Variants in SNTB1 observed in about 807,000 individuals in gnomAD.
The protein encoded by SNTB1 is syntrophin beta 1, also known as beta-1-syntrophin.
Under a neutral mutation model 48.9 loss-of-function variants are expected in SNTB1, and 36 were observed. The ratio of observed to expected loss-of-function variants is 0.74; its 90% CI spans 0.56 to 0.97. The LOEUF (loss-of-function observed/expected upper bound fraction) is 0.97. SNTB1 is among the 50% of genes least tolerant of loss of function. The pLI is 0.00. For synonymous variants in SNTB1, 299 were observed against 294.6 expected (o/e 1.01, Z -0.15); for missense variants, 786 against 703.4 (o/e 1.12, Z -1.33).
At chr8:120,580,188 G>T (rs1028363482) in intron 3 of SNTB1, among the ~76,000 whole-genome samples, 1 of 152,054 alleles carries the variant, frequency 6.6e-6, no homozygotes, top group African/African-American at 2.4e-5. Flanking sequence ...GCAATACGGG[G>T]GTCTCTTTTT....
chr8:120,756,233 A>G (rs1051406428), intron 1 of SNTB1, among the ~76,000 whole-genome samples: 1 of 152,124 alleles, frequency 6.6e-6, no homozygotes, highest in East Asian at 1.9e-4. Flanking sequence ...GCATCTATTT[A>G]TATTTGTTGT....
chr8:120,541,885 A>T lies in SNTB1; in HGVS notation c.1449T>A (p.Tyr483Ter), dbSNP rs1016118102. Residue 483 changes from tyrosine (Y) to a stop codon, truncating the protein, a stop_gained, in exon 6 of 7, where the codon TAT becomes TAA. Transcript: ENST00000517992. LOFTEE classifies it high-confidence loss of function. The part of the protein sequence containing the change: ...AFPKTIIQSP[Y>*]EKLKMSSDDG... ...CATCTGAAGACATTTTGAGCTTTTC[A>T]TAAGGAGACTGTATGATGGTCTTGG... 8.1e-6 allele frequency: 13 copies of T among 1,614,082 alleles called. No homozygotes were observed. The highest frequency in any genetic ancestry group is 1.1e-5 in the Non-Finnish European group (13 of 1,179,954).
At chr8:120,786,020 AC>A (rs1819917654) in intron 1 of SNTB1, among the ~76,000 whole-genome samples, 1 of 152,208 alleles carries the variant, frequency 6.6e-6, no homozygotes, top group South Asian at 2.1e-4. Context: ...GCTATTTATA[AC>A]CAAGGAAATC....
intron 1 of SNTB1, among the ~76,000 whole-genome samples, chr8:120,746,431 T>C (rs1819126894): frequency 6.6e-6 from 1 of 152,122 alleles, no homozygotes; most frequent in Non-Finnish European, 1.5e-5. Context: ...GTTAAGTGAG[T>C]ACAGAGTCAA....
In SNTB1 at chr8:120,632,572, A is replaced by T; in HGVS notation, c.868T>A (p.Phe290Ile). 1 of 1,614,050 alleles carries T rather than the reference A, an allele frequency of 6.2e-7. No homozygotes were observed. Among genetic ancestry groups the T allele is most frequent in the Non-Finnish European group, 8.5e-7 (1 of 1,180,012 alleles). Residue 290 changes from phenylalanine (F) to isoleucine (I), a missense_variant, in exon 3 of 7, where the codon TTC becomes ATC. Transcript: ENST00000517992. ...SKDSATAQAW[F>I]SAIHSNVNDL... Reference sequence around the variant, plus strand: ...TTAACGTTGGAATGGATGGCACTGAACCATGCCTGGGCCGTGGCTGAGTCC... The same window carrying T: ...TTAACGTTGGAATGGATGGCACTGATCCATGCCTGGGCCGTGGCTGAGTCC...
At chr8:120,703,942 T>C (rs1218426540) in intron 1 of SNTB1, among the ~76,000 whole-genome samples, 1 of 152,208 alleles carries the variant, frequency 6.6e-6, no homozygotes, top group African/African-American at 2.4e-5. Context: ...AAGAAAATTG[T>C]GGCATGGAGA....
At chr8:120,774,619 G>A (rs536018321) in intron 1 of SNTB1, among the ~76,000 whole-genome samples, 2 of 152,250 alleles carry the variant, frequency 1.3e-5, no homozygotes, top group Admixed American at 1.3e-4. Context: ...AAAAACCAAA[G>A]AAGAGGAGGG....
chr8:120,746,627 GTCATT>G (rs1014747559), intron 1 of SNTB1, among the ~76,000 whole-genome samples: 5 of 152,166 alleles, frequency 3.3e-5, no homozygotes. Flanking sequence ...AAACCAAGTG[GTCATT>G]TTTCTAAATA....
intron 1 of SNTB1, among the ~76,000 whole-genome samples, chr8:120,807,341 C>T (rs1296132396): frequency 6.6e-6 from 1 of 152,224 alleles, no homozygotes; most frequent in Non-Finnish European, 1.5e-5. Context: ...GTGCACTGTG[C>T]CCAGCTCCAG....
chr8:120,622,134 G>A (rs537824609), intron 3 of SNTB1, among the ~76,000 whole-genome samples: 2 of 152,238 alleles, frequency 1.3e-5, no homozygotes, highest in South Asian at 4.1e-4. Flanking sequence ...AAAACACATG[G>A]AGAAATATTT....
intron 4 of SNTB1, among the ~76,000 whole-genome samples, chr8:120,554,386 T>C (rs1286898342): frequency 1.3e-5 from 2 of 152,078 alleles, no homozygotes; most frequent in Non-Finnish European, 2.9e-5. Context: ...GCATACAAAT[T>C]AGTATAAAAA....
intron 1 of SNTB1, among the ~76,000 whole-genome samples, chr8:120,719,284 C>T (rs1818614037): frequency 6.6e-6 from 1 of 152,166 alleles, no homozygotes; most frequent in African/African-American, 2.4e-5. Flanking sequence ...ATGAAAAGGT[C>T]AGACTGGCTT....
chr8:120,644,952 G>T (rs1229197861), intron 2 of SNTB1, among the ~76,000 whole-genome samples: 3 of 151,494 alleles, frequency 2.0e-5, no homozygotes, highest in Non-Finnish European at 4.4e-5. Flanking sequence ...TTGGCTGCAT[G>T]AATGTCTTCT....
chr8:120,807,135 C>A (rs1587179581), intron 1 of SNTB1, among the ~76,000 whole-genome samples: 2 of 152,210 alleles, frequency 1.3e-5, no homozygotes, highest in Admixed American at 1.3e-4. Context: ...CAGTGCACTC[C>A]ACCTCCATAC....
chr8:120,641,424 C>T (rs749669762), intron 2 of SNTB1, among the ~76,000 whole-genome samples: 4 of 152,196 alleles, frequency 2.6e-5, no homozygotes, highest in Non-Finnish European at 4.4e-5. Flanking sequence ...TTCAAAGAAA[C>T]GACATCTTGG....
At chr8:120,669,445 T>TAAACTGTAATGGGATGAATCATATTAAAA (rs1587076145) in intron 2 of SNTB1, among the ~76,000 whole-genome samples, 2 of 81,328 alleles carry the variant, frequency 2.5e-5, no homozygotes, top group African/African-American at 1.4e-4. Flanking sequence ...AAATGCTTGT[T>TAAACTGTAATGGGATGAATCATATTAAAA]TTTTTTTTTT....
At chr8:120,639,258 G>A (rs971015376) in intron 2 of SNTB1, among the ~76,000 whole-genome samples, 1 of 151,980 alleles carries the variant, frequency 6.6e-6, no homozygotes, top group African/African-American at 2.4e-5. Flanking sequence ...TTGTAAATTT[G>A]TTTGAGTTCT....
At chr8:120,666,934 T>C (rs1817681498) in intron 2 of SNTB1, among the ~76,000 whole-genome samples, 1 of 152,166 alleles carries the variant, frequency 6.6e-6, no homozygotes, top group Non-Finnish European at 1.5e-5. Flanking sequence ...ACTTAACTTT[T>C]TGATCATAAG....
At chr8:120,571,505 T>G in intron 4 of SNTB1, 2 of 315,444 alleles carry the variant, frequency 6.3e-6, no homozygotes, top group South Asian at 2.5e-5. Flanking sequence ...TTTTTTTTTT[T>G]TTTTTTTTTT....
Sources: gnomAD v4.1 joint callset for allele counts (sites outside exome capture counted in the v4.1 genomes callset) on GRCh38, gnomAD v4.1.1 for gene constraint, MANE v1.5 for transcripts, NCBI Gene and HGNC (gene_info 2026-07-23, HGNC 2026-07-21) for gene names.